Variants in PCDHA13 observed in about 807,000 individuals in gnomAD.
PCDHA13 encodes the protein protocadherin alpha 13.
A neutral mutation model predicts 64.8 loss-of-function variants in PCDHA13; 54 were observed. That is an observed-to-expected ratio of 0.83 (90% CI 0.67 to 1.04). The LOEUF is 1.04. Among genes scored for constraint, PCDHA13 ranks in the 50% least tolerant of loss-of-function variants. The pLI is 0.00. For synonymous variants in PCDHA13, 587 were observed against 564.4 expected (o/e 1.04, Z -0.57); for missense variants, 1,248 against 1,254.3 (o/e 0.99, Z 0.08).
chr5:140,887,654 G>A (rs2061529435), intron 1 of PCDHA13, among the ~76,000 whole-genome samples: 1 of 151,712 alleles, frequency 6.6e-6, no homozygotes, highest in South Asian at 2.1e-4. Context: ...TGATATTCTT[G>A]GATCTGTGGA....
intron 1 of PCDHA13, among the ~76,000 whole-genome samples, chr5:140,960,168 T>C (rs569250147): frequency 9.2e-5 from 14 of 152,300 alleles, no homozygotes; most frequent in African/African-American, 3.1e-4. Flanking sequence ...AATACAATTC[T>C]TAAGTTAGGG....
At position 140,883,984 on chromosome 5, in the gene PCDHA13, C is replaced by T; in HGVS notation, c.1716C>T (p.Ser572=). The part of the protein sequence containing the change: ...APALLTPGAG[S]AGGTVSELMP... ...CGCTGCTGACGCCCGGGGCTGGCAG[C>T]GCGGGAGGCACAGTGAGCGAGCTGA... The change falls in exon 1 of 4, where the codon AGC becomes AGT. Residue 572 remains serine, a synonymous_variant. Transcript: ENST00000289272. 4 of 1,612,818 alleles carry T rather than the reference C, an allele frequency of 2.5e-6. No homozygotes were observed.
chr5:140,926,651 C>T, intron 1 of PCDHA13: 1 of 496,446 alleles, frequency 2.0e-6, no homozygotes, highest in Non-Finnish European at 3.3e-6. Context: ...CCGGCCGGCT[C>T]CGCTTTCCCA....
intron 3 of PCDHA13, among the ~76,000 whole-genome samples, chr5:141,008,590 T>G (rs1259352249): frequency 6.6e-6 from 1 of 152,216 alleles, no homozygotes; most frequent in Non-Finnish European, 1.5e-5. Context: ...CAGGGCAGAT[T>G]TCACCTCCTC....
At chr5:140,927,905 C>T in intron 1 of PCDHA13, 3 of 1,614,210 alleles carry the variant, frequency 1.9e-6, no homozygotes, top group Non-Finnish European at 2.5e-6. Context: ...GATCATGCCC[C>T]CGAACTGGAC....
chr5:140,958,015 C>A (rs573406509), intron 1 of PCDHA13, among the ~76,000 whole-genome samples: 1 of 151,796 alleles, frequency 6.6e-6, no homozygotes, highest in Non-Finnish European at 1.5e-5. Context: ...TTCTATCAGC[C>A]AAGTATACTA....
chr5:140,971,537 G>T (rs1414023721), intron 1 of PCDHA13, among the ~76,000 whole-genome samples: 1 of 152,136 alleles, frequency 6.6e-6, no homozygotes, highest in Non-Finnish European at 1.5e-5. Flanking sequence ...AGTCATCATT[G>T]CCAGATCAAC....
intron 1 of PCDHA13, among the ~76,000 whole-genome samples, chr5:140,913,986 G>A (rs1326699020): frequency 1.3e-5 from 2 of 152,048 alleles, no homozygotes; most frequent in African/African-American, 4.8e-5. Context: ...GACTTGTATT[G>A]TGACTAGCAT....
chr5:140,922,726 C>T lies in PCDHA13; in HGVS notation c.2394+38064C>T, dbSNP rs118091551. On this transcript the variant is annotated intron_variant, in intron 1 of 3. Coordinates refer to ENST00000289272, the MANE Select transcript of PCDHA13 (RefSeq NM_018904.3). ...GTCAAGAACAAAAAGAAACACTTGA[C>T]AAGGTTGAGAAAAATAAATGGAAAA... is the stretch of plus-strand genomic sequence containing the variant. 6.6e-5 allele frequency among the ~76,000 whole-genome samples: 10 copies of T among 152,012 alleles called. No homozygotes were observed. The East Asian group carries it at 1.9e-3, about 29-fold the overall frequency.
At chr5:140,965,254 T>C (rs2153743153) in intron 1 of PCDHA13, among the ~76,000 whole-genome samples, 1 of 152,302 alleles carries the variant, frequency 6.6e-6, no homozygotes, top group African/African-American at 2.4e-5. Context: ...TATTCAGAAC[T>C]GAGCAGCAGA....
At chr5:140,913,934 G>C (rs1554196103) in intron 1 of PCDHA13, among the ~76,000 whole-genome samples, 1 of 152,102 alleles carries the variant, frequency 6.6e-6, no homozygotes, top group African/African-American at 2.4e-5. Context: ...TGTGGTCAGA[G>C]AAGAATCTTG....
intron 1 of PCDHA13, among the ~76,000 whole-genome samples, chr5:140,911,977 T>G (rs1554195068): frequency 1.3e-5 from 2 of 152,180 alleles, no homozygotes; most frequent in African/African-American, 4.8e-5. Context: ...TTAACTCACA[T>G]GATCACAAGG....
chr5:141,000,389 C>CTA (rs2097911342), intron 3 of PCDHA13, among the ~76,000 whole-genome samples: 14 of 62,576 alleles, frequency 2.2e-4, no homozygotes, highest in South Asian at 6.5e-4. Context: ...CTCTCTCTCT[C>CTA]TCTCTCTATA....
At chr5:141,003,543 C>T (rs2098129407) in intron 3 of PCDHA13, among the ~76,000 whole-genome samples, 1 of 152,108 alleles carries the variant, frequency 6.6e-6, no homozygotes, top group Non-Finnish European at 1.5e-5. Context: ...GAACTCCTGG[C>T]TTCAAGTGAT....
At chr5:140,904,412 A>C (rs1554191488) in intron 1 of PCDHA13, among the ~76,000 whole-genome samples, 2 of 150,986 alleles carry the variant, frequency 1.3e-5, no homozygotes, top group Non-Finnish European at 2.9e-5. Context: ...TATATATATA[A>C]TACATATATT....
chr5:140,921,051 C>T (rs2079992855), intron 1 of PCDHA13, among the ~76,000 whole-genome samples: 1 of 151,910 alleles, frequency 6.6e-6, no homozygotes, highest in Non-Finnish European at 1.5e-5. Context: ...GCAATCATAG[C>T]TCACTCTAAC....
intron 1 of PCDHA13, among the ~76,000 whole-genome samples, chr5:140,944,656 C>A (rs782213712): frequency 1.3e-5 from 2 of 152,016 alleles, no homozygotes; most frequent in Admixed American, 6.6e-5. Flanking sequence ...GAGTCCATAC[C>A]CCTTATTTAT....
intron 1 of PCDHA13, among the ~76,000 whole-genome samples, chr5:140,923,770 G>C (rs1554201580): frequency 6.6e-6 from 1 of 152,152 alleles, no homozygotes; most frequent in East Asian, 1.9e-4. Context: ...AATCCTACTG[G>C]GTGGATGGTT....
intron 1 of PCDHA13, among the ~76,000 whole-genome samples, chr5:140,919,580 A>G (rs1454243319): frequency 1.3e-5 from 2 of 152,194 alleles, no homozygotes; most frequent in African/African-American, 4.8e-5. Context: ...TTAGAATGTA[A>G]CATGGTAATT....
Sources: allele counts gnomAD v4.1 joint callset (sites outside exome capture counted in the v4.1 genomes callset), GRCh38; gene constraint gnomAD v4.1.1; transcripts MANE v1.5; gene names NCBI Gene and HGNC (gene_info 2026-07-23, HGNC 2026-07-21).